The following ARHGAP21 variants were observed in gnomAD, a reference collection of about 807,000 sequenced individuals.
The protein encoded by ARHGAP21 is rho GTPase-activating protein 21.
ARHGAP21 carries 38 observed loss-of-function variants against 164.6 expected under a neutral mutation model. That is an observed-to-expected ratio of 0.23 (90% CI 0.18 to 0.30). The LOEUF (loss-of-function observed/expected upper bound fraction) is 0.30. Ranked by LOEUF, ARHGAP21 falls within the 10% of genes least tolerant of loss-of-function variation. ARHGAP21 has a pLI of 1.00. For synonymous variants in ARHGAP21, 766 were observed against 857.9 expected (o/e 0.89, Z 1.87); for missense variants, 1,822 against 2,370.7 (o/e 0.77, Z 4.81).
At chr10:24,690,007 T>G (rs1412786800) in intron 2 of ARHGAP21, among the ~76,000 whole-genome samples, 1 of 151,538 alleles carries the variant, frequency 6.6e-6, no homozygotes, top group Non-Finnish European at 1.5e-5. Flanking sequence ...TAGGAAAATC[T>G]TCTAACCTAT....
chr10:24,595,120 T>C lies in ARHGAP21; in HGVS notation c.3783A>G (p.Arg1261=), dbSNP rs1385629729. The part of the protein sequence containing the change: ...DPLDRLKTLK[R]LIHDLPEHHY... ...CAAAATATAAAATAATACCTACTAG[T>C]CTTTTTAATGTTTTCAGACGATCTA... The change falls in exon 20 of 26, where the codon AGA becomes AGG. Residue 1261 remains arginine, a synonymous_variant. Coordinates refer to ENST00000396432, the MANE Select transcript of ARHGAP21 (RefSeq NM_020824.4). The C allele has an allele frequency of 1.2e-6, 2 of 1,610,938 alleles. No homozygotes were observed. The highest frequency in any genetic ancestry group is 1.1e-5 in the South Asian group (1 of 90,492).
Position 24,670,321 on chromosome 10 carries a change from C to A in ARHGAP21, c.140G>T (p.Gly47Val), listed in dbSNP as rs1398315421. 1.2e-6 allele frequency: 2 copies of A among 1,608,540 alleles called. No individual in the cohort carries two copies. The highest frequency in any genetic ancestry group is 1.7e-5 in the Admixed American group (1 of 59,750). ...TCTTTTCAACGTAACTGTTTTGGGA[C>A]CTGGCCAGGAGAATGTTTCATCTTC... is the stretch of plus-strand genomic sequence containing the variant. ...LSEDETFSWP[G>V]PKTVTLKRTS... Residue 47 changes from glycine to valine, a missense_variant, in exon 3 of 26, where the codon GGT (glycine) becomes GTT (valine). Coordinates refer to ENST00000396432, the MANE Select transcript of ARHGAP21 (RefSeq NM_020824.4).
In ARHGAP21 at chr10:24,621,291, T is replaced by A. The variant is rs139061849; in HGVS notation, c.604A>T (p.Ile202Phe). The A allele has an allele frequency of 6.2e-7, 1 of 1,613,116 alleles. No individual in the cohort carries two copies. Among genetic ancestry groups the A allele is most frequent in the African/African-American group, 1.3e-5 (1 of 74,878 alleles). ...GCAGATGGCAGCCAGGGATAGCAGATTGGTGGAGGTTCAGGTATATTGCGG... is the reference window on the plus strand; with the variant it reads ...GCAGATGGCAGCCAGGGATAGCAGAATGGTGGAGGTTCAGGTATATTGCGG... ...NARNIPEPPP[I>F]CYPWLPSAPS... The change falls in exon 9 of 26, where the codon ATC becomes TTC. Residue 202 changes from isoleucine to phenylalanine, a missense_variant. This residue lies in a region of ARHGAP21 where 1,090 missense variants were observed against 1,378.9 expected (regional missense o/e 0.79). Transcript: ENST00000396432.
intron 9 of ARHGAP21, among the ~76,000 whole-genome samples, chr10:24,613,584 A>G (rs1027450748): frequency 2.0e-5 from 3 of 152,220 alleles, no homozygotes; most frequent in Non-Finnish European, 4.4e-5. Context: ...TTAGATAGAA[A>G]TGGTTTTACA....
At chr10:24,715,415 C>T (rs1372535644) in intron 2 of ARHGAP21, among the ~76,000 whole-genome samples, 1 of 152,078 alleles carries the variant, frequency 6.6e-6, no homozygotes, top group African/African-American at 2.4e-5. Flanking sequence ...AGAAATAAAA[C>T]ATCATCCATA....
At chr10:24,687,427 A>G (rs574910718) in intron 2 of ARHGAP21, among the ~76,000 whole-genome samples, 1 of 152,312 alleles carries the variant, frequency 6.6e-6, no homozygotes, top group East Asian at 1.9e-4. Flanking sequence ...ACTTTAAAAC[A>G]TTGTTGGGGA....
Position 24,688,392 on chromosome 10 carries a change from C to CA in ARHGAP21, c.64-17996dup, listed in dbSNP as rs1019051261. On this transcript the variant is annotated intron_variant, in intron 2 of 25. Coordinates refer to ENST00000396432, the MANE Select transcript of ARHGAP21 (RefSeq NM_020824.4). ...TGGGTGACAGAGAAAGACTCCGTCT[C>CA]AAAAAAAAAAATTCAATTTGGTTAT... Among the ~76,000 whole-genome samples the CA allele has an allele frequency of 1.3e-3, 192 of 145,638 alleles. 1 individual carries two copies. Among genetic ancestry groups the CA allele is most frequent in the Middle Eastern group, 7.1e-3 (2 of 282 alleles).
chr10:24,670,490 C>A, intron 2 of ARHGAP21, 93 bp from the exon 3 acceptor site: 1 of 742,954 alleles, frequency 1.3e-6, no homozygotes, highest in Admixed American at 3.9e-5. Context: ...TACCTGAGCG[C>A]CGATATGAAC....
At chr10:24,599,753 T>A (rs534355409) in intron 14 of ARHGAP21, among the ~76,000 whole-genome samples, 1 of 152,304 alleles carries the variant, frequency 6.6e-6, no homozygotes, top group South Asian at 2.1e-4. Context: ...TTAAAAACTA[T>A]CTTTACTATT....
At chr10:24,601,026 A>G in intron 13 of ARHGAP21, 96 bp from the exon 14 acceptor site, 1 of 1,399,286 alleles carries the variant, frequency 7.1e-7, no homozygotes, top group Non-Finnish European at 9.8e-7. Flanking sequence ...CTGCATTTAC[A>G]TATAACTAGT....
At position 24,620,570 on chromosome 10, in the gene ARHGAP21, G is replaced by A; in HGVS notation, c.1325C>T (p.Thr442Ile). ...AGACTGGGGCACTCGATCATGAGAG[G>A]TGCTTCGACGTCGTCCCTGCAAAGT... The part of the protein sequence containing the change: ...RTTLQGRRRS[T>I]SHDRVPQSVQ... Residue 442 changes from threonine (T) to isoleucine (I), a missense_variant, in exon 9 of 26, where the codon ACC becomes ATC. By Grantham distance (89) the Thr-to-Ile change is moderately conservative. Coordinates refer to ENST00000396432, the MANE Select transcript of ARHGAP21 (RefSeq NM_020824.4). 1.9e-6 allele frequency: 3 copies of A among 1,614,166 alleles called. No individual in the cohort carries two copies. Among genetic ancestry groups the A allele is most frequent in the South Asian group, 2.2e-5 (2 of 91,082 alleles).
chr10:24,605,107 TCAAC>T (rs1440295887), intron 11 of ARHGAP21, among the ~76,000 whole-genome samples: 1 of 152,066 alleles, frequency 6.6e-6, no homozygotes, highest in Non-Finnish European at 1.5e-5. Context: ...AACTCAATCT[TCAAC>T]CATATCAGAA....
chr10:24,640,679 G>A (rs1270069143), intron 4 of ARHGAP21, among the ~76,000 whole-genome samples: 22 of 151,970 alleles, frequency 1.4e-4, no homozygotes, highest in Non-Finnish European at 7.4e-5. Context: ...CTATTTTTCA[G>A]ATAAAAAATA....
At chr10:24,686,990 C>T (rs1842273108) in intron 2 of ARHGAP21, among the ~76,000 whole-genome samples, 1 of 152,148 alleles carries the variant, frequency 6.6e-6, no homozygotes, top group African/African-American at 2.4e-5. Flanking sequence ...TCACCTGCTA[C>T]TTCCAGGAGA....
At chr10:24,656,389 T>TG (rs1252374689) in intron 4 of ARHGAP21, among the ~76,000 whole-genome samples, 102 of 67,842 alleles carry the variant, frequency 1.5e-3, no homozygotes, top group Non-Finnish European at 2.0e-3. Context: ...GGGAGGGAGG[T>TG]GGGGGGGTCA....
chr10:24,673,944 T>C (rs1252464440), intron 2 of ARHGAP21, among the ~76,000 whole-genome samples: 1 of 152,112 alleles, frequency 6.6e-6, no homozygotes, highest in African/African-American at 2.4e-5. Context: ...CAGGGGAAAA[T>C]CTTTATGAAC....
At chr10:24,702,432 A>G (rs1452763326) in intron 2 of ARHGAP21, among the ~76,000 whole-genome samples, 2 of 152,040 alleles carry the variant, frequency 1.3e-5, no homozygotes, top group Non-Finnish European at 2.9e-5. Context: ...CGCCTGGCCA[A>G]TACCTCCATT....
intron 16 of ARHGAP21, among the ~76,000 whole-genome samples, chr10:24,597,111 A>G (rs1433601707): frequency 1.3e-5 from 2 of 152,154 alleles, no homozygotes; most frequent in African/African-American, 4.8e-5. Flanking sequence ...ACTACATAGA[A>G]TCAGTGTGTC....
At chr10:24,589,142 AT>A in intron 25 of ARHGAP21, 128 bp downstream of exon 25, 1 of 833,042 alleles carries the variant, frequency 1.2e-6, no homozygotes, top group Admixed American at 2.5e-5. Context: ...TTAGGAATTA[AT>A]TTTTTGATTA....
Sources: gnomAD v4.1 joint callset for allele counts (sites outside exome capture counted in the v4.1 genomes callset) on GRCh38, gnomAD v4.1.1 for gene constraint, gnomAD v4.1.1 regional missense constraint, MANE v1.5 for transcripts, NCBI Gene and HGNC (gene_info 2026-07-23, HGNC 2026-07-21) for gene names.